Variants in HEG1 observed in about 807,000 individuals in gnomAD.
HEG1 encodes the protein heart development protein with EGF like domains 1, also known as protein HEG homolog 1.
In HEG1, 56 loss-of-function variants were observed where a neutral mutation model predicts 125.6. The ratio of observed to expected loss-of-function variants is 0.45; its 90% CI spans 0.36 to 0.56. HEG1 has a LOEUF of 0.56. Ranked by LOEUF, HEG1 falls within the 20% of genes least tolerant of loss-of-function variation. The pLI, the probability that HEG1 is intolerant of heterozygous loss-of-function variation, is 0.00. For synonymous variants in HEG1, 644 were observed against 668.5 expected (o/e 0.96, Z 0.57); for missense variants, 1,523 against 1,670.0 (o/e 0.91, Z 1.53).
intron 5 of HEG1, 32 bp from the exon 6 acceptor site, chr3:125,014,022 T>C (rs1937205016): frequency 6.5e-7 from 1 of 1,545,992 alleles, no homozygotes; most frequent in Non-Finnish European, 8.7e-7. Flanking sequence ...TTAGGTCAAA[T>C]AAAAGAACAA....
At position 125,013,488 on chromosome 3, in the gene HEG1, G is replaced by A. The variant is rs138956936; in HGVS notation, c.2091C>T (p.Ala697=). The A allele has an allele frequency of 4.9e-4, 789 of 1,613,838 alleles. No homozygotes were observed. Among genetic ancestry groups the A allele is most frequent in the Non-Finnish European group, 6.1e-4 (724 of 1,179,868 alleles). The change falls in exon 6 of 17, where the codon GCC becomes GCT. Residue 697 remains alanine, a synonymous_variant. Coordinates refer to ENST00000311127, the MANE Select transcript of HEG1 (RefSeq NM_020733.2). The part of the protein sequence containing the change: ...LFSSILPSTR[A]SVHLLKSTSD... Reference sequence around the variant, plus strand: ...AGGTAGACTTTAGTAGATGCACAGAGGCCCTGGTTGATGGTAAAATTGATG... The same window carrying A: ...AGGTAGACTTTAGTAGATGCACAGAAGCCCTGGTTGATGGTAAAATTGATG...
At position 124,969,411 on chromosome 3, in the gene HEG1, T is replaced by G. The variant is rs543026591; in HGVS notation, c.*1241A>C. On this transcript the variant is annotated 3_prime_UTR_variant, in exon 17 of 17. Coordinates refer to ENST00000311127, the MANE Select transcript of HEG1 (RefSeq NM_020733.2). ...CTGACTGGAAGTATAACCACGTTTCTGGAGGGTGCGACATAGCCATATGAA... is the reference window on the plus strand; with the variant it reads ...CTGACTGGAAGTATAACCACGTTTCGGGAGGGTGCGACATAGCCATATGAA... 2.9e-4 allele frequency: 44 copies of G among 152,302 alleles called. No individual in the cohort carries two copies. The highest frequency in any genetic ancestry group is 9.1e-4 in the African/African-American group (38 of 41,554). 9.4% of individuals were successfully genotyped at this position (152,302 alleles called of 1,614,324 possible).
intron 16 of HEG1, 29 bp downstream of exon 16, chr3:124,973,702 T>C: frequency 6.3e-7 from 1 of 1,579,182 alleles, no homozygotes; most frequent in Non-Finnish European, 8.6e-7. Flanking sequence ...CCGGGGGCCC[T>C]GGGGTCATCC....
intron 1 of HEG1, among the ~76,000 whole-genome samples, chr3:125,036,510 T>C (rs1022081284): frequency 6.6e-6 from 1 of 152,122 alleles, no homozygotes; most frequent in Non-Finnish European, 1.5e-5. Context: ...TATGTATAAG[T>C]CTGATAAAAA....
At chr3:125,034,585 C>T (rs144922046) in intron 1 of HEG1, among the ~76,000 whole-genome samples, 1 of 152,212 alleles carries the variant, frequency 6.6e-6, no homozygotes, top group African/African-American at 2.4e-5. Context: ...ATCACTTGAG[C>T]CCACGAGTTC....
chr3:125,027,382 A>C lies in HEG1; in HGVS notation c.736T>G (p.Trp246Gly), dbSNP rs750569235. 6.9e-5 allele frequency: 112 copies of C among 1,613,898 alleles called. No homozygotes were observed. Among genetic ancestry groups the C allele is most frequent in the Non-Finnish European group, 8.6e-5 (102 of 1,179,906 alleles). Residue 246 changes from tryptophan (W) to glycine (G), a missense_variant, in exon 3 of 17, where the codon TGG becomes GGG. By Grantham distance (184) the Trp-to-Gly change is radical (BLOSUM62 -2). Coordinates refer to ENST00000311127, the MANE Select transcript of HEG1 (RefSeq NM_020733.2). ...TERAMGLSEE[W>G]TVHSQEATTS... ...GTGGCCTCTTGGCTGTGCACAGTCCATTCTTCTGACAGCCCCATCGCCCTC... is the reference window on the plus strand; with the variant it reads ...GTGGCCTCTTGGCTGTGCACAGTCCCTTCTTCTGACAGCCCCATCGCCCTC...
chr3:125,018,202 C>T lies in HEG1; in HGVS notation c.1588+1060G>A, dbSNP rs979686861. On this transcript the variant is annotated intron_variant, in intron 5 of 16. Coordinates refer to ENST00000311127, the MANE Select transcript of HEG1 (RefSeq NM_020733.2). ...CCTGCTACGGCATATTATTAAGCCA[C>T]GAAAAGGAACGAAGTTGTGATACAA... 3.9e-5 allele frequency among the ~76,000 whole-genome samples: 6 copies of T among 152,056 alleles called. No individual in the cohort carries two copies. The South Asian group carries it at 1.0e-3, about 26-fold the overall frequency.
intron 14 of HEG1, among the ~76,000 whole-genome samples, chr3:124,988,736 GT>G (rs144090504): frequency 0.031 from 4,745 of 152,284 alleles, 114 homozygotes; most frequent in Non-Finnish European, 0.048. Flanking sequence ...GGCCAACATG[GT>G]AAAACCCCGT....
intron 3 of HEG1, among the ~76,000 whole-genome samples, chr3:125,024,006 C>T (rs1036075589): frequency 2.0e-5 from 3 of 152,198 alleles, no homozygotes; most frequent in Non-Finnish European, 4.4e-5. Flanking sequence ...CTGCAATCTT[C>T]TGAGTTATTT....
intron 5 of HEG1, among the ~76,000 whole-genome samples, chr3:125,018,012 G>A (rs1246585626): frequency 6.6e-6 from 1 of 151,194 alleles, no homozygotes; most frequent in Middle Eastern, 3.2e-3. Flanking sequence ...CTGGGCAACA[G>A]AGAGAGACTC....
intron 1 of HEG1, among the ~76,000 whole-genome samples, chr3:125,045,440 G>C (rs537510086): frequency 2.6e-5 from 4 of 152,320 alleles, no homozygotes; most frequent in Non-Finnish European, 4.4e-5. Context: ...TCTCTTATGA[G>C]AGACTGTGGC....
rs994774428 is a variant in HEG1 at position 124,967,761 on chromosome 3, G to A, written c.*2891C>T. ...GGGCACTTCCATGCCCACCTCTCAA[G>A]GATACTGTGAGGAGCCTTGCCCAGA... On this transcript the variant is annotated 3_prime_UTR_variant, in exon 17 of 17. Coordinates refer to ENST00000311127, the MANE Select transcript of HEG1 (RefSeq NM_020733.2). The A allele has an allele frequency of 1.3e-5, 2 of 152,218 alleles. No homozygotes were observed. Among genetic ancestry groups the A allele is most frequent in the Non-Finnish European group, 2.9e-5 (2 of 68,098 alleles). The allele number at this position is 152,218 out of a possible 1,614,324, so 9.4% of individuals were successfully genotyped here. A position where few individuals can be genotyped will look rare whatever the true frequency, so the allele number is the denominator to read the frequency against.
At chr3:125,039,703 T>A (rs1579435642) in intron 1 of HEG1, among the ~76,000 whole-genome samples, 2 of 151,438 alleles carry the variant, frequency 1.3e-5, no homozygotes, top group East Asian at 1.9e-4. Flanking sequence ...AAACTGAGGG[T>A]CAGAAAGATT....
intron 1 of HEG1, among the ~76,000 whole-genome samples, chr3:125,050,171 T>C (rs1937771798): frequency 7.0e-6 from 1 of 143,394 alleles, no homozygotes; most frequent in Non-Finnish European, 1.5e-5. Flanking sequence ...TGAGATGAAG[T>C]CTCACTTTGT....
intron 14 of HEG1, among the ~76,000 whole-genome samples, chr3:124,979,765 C>T (rs1358500860): frequency 6.6e-6 from 1 of 152,142 alleles, no homozygotes; most frequent in East Asian, 1.9e-4. Flanking sequence ...AACCCCGTTT[C>T]TACTAAACAA....
rs779171570 is a variant in HEG1 at position 125,019,318 on chromosome 3, G to C, written c.1532C>G (p.Ser511Ter). ...CAAGCTTTCCGAGGAAGATGTAGAT[G>C]AAGACTCTGAATAACTCCTATCTCC... ...ALGDRSYSES[S>*]STSSSESLNS... Residue 511 changes from serine (S) to a stop codon, truncating the protein, a stop_gained, in exon 5 of 17, where the codon TCA (serine) becomes TGA (stop). Coordinates refer to ENST00000311127, the MANE Select transcript of HEG1 (RefSeq NM_020733.2). LOFTEE classifies it high-confidence loss of function. 6.2e-7 allele frequency: 1 copy of C among 1,613,720 alleles called. No individual in the cohort carries two copies. Among genetic ancestry groups the C allele is most frequent in the East Asian group, 2.2e-5 (1 of 44,894 alleles).
chr3:124,983,146 C>A (rs1244735526), intron 14 of HEG1, among the ~76,000 whole-genome samples: 1 of 152,192 alleles, frequency 6.6e-6, no homozygotes, highest in Non-Finnish European at 1.5e-5. Context: ...AATAAACTCT[C>A]TTTGTCGCTT....
chr3:124,986,257 T>A (rs1406624891), intron 14 of HEG1, among the ~76,000 whole-genome samples: 1 of 152,226 alleles, frequency 6.6e-6, no homozygotes, highest in Non-Finnish European at 1.5e-5. Context: ...GGGTAGAGCA[T>A]GTGCCCTAAA....
chr3:125,053,198 C>T (rs2107716284), intron 1 of HEG1, among the ~76,000 whole-genome samples: 1 of 152,316 alleles, frequency 6.6e-6, no homozygotes, highest in South Asian at 2.1e-4. Flanking sequence ...ACATTGCAGA[C>T]TGGAGGACCT....
Sources: allele counts gnomAD v4.1 joint callset (sites outside exome capture counted in the v4.1 genomes callset), GRCh38; gene constraint gnomAD v4.1.1; transcripts MANE v1.5; gene names NCBI Gene and HGNC (gene_info 2026-07-23, HGNC 2026-07-21).